The following KRABD3 variants were observed in gnomAD, a reference collection of about 807,000 sequenced individuals.
KRABD3 encodes KRAB domain containing 3, also known as KRAB domain-containing protein 3.
chr7:149,719,523 C>T, the KRABD3 span: 16 of 1,538,978 alleles, frequency 1.0e-5, no homozygotes, highest in Non-Finnish European at 1.4e-5. This position sits in a 1 kb window ranked among gnomAD's most constrained non-coding sequence, Gnocchi z 5.6. Context: ...AACAACCAAC[C>T]CCCCCGGAGA....
the KRABD3 span, among the ~76,000 whole-genome samples, chr7:149,730,945 C>T: frequency 1.2e-3 from 184 of 152,348 alleles, 4 homozygotes; most frequent in Non-Finnish European, 3.8e-4. Context: ...GGGGGTACTT[C>T]TTGGAGAGTG....
the KRABD3 span, chr7:149,733,438 G>A: frequency 2.5e-6 from 4 of 1,591,706 alleles, no homozygotes; most frequent in Non-Finnish European, 3.4e-6. Context: ...CTCAGGAAGT[G>A]GCCACCATGA....
chr7:149,716,921 A>G, the KRABD3 span, among the ~76,000 whole-genome samples: 1 of 152,326 alleles, frequency 6.6e-6, no homozygotes, highest in South Asian at 2.1e-4. Flanking sequence ...TTATGATCCC[A>G]GTATTACAGA....
At chr7:149,721,995 A>C in the KRABD3 span, 94 of 370,222 alleles carry the variant, frequency 2.5e-4, no homozygotes, top group Non-Finnish European at 4.0e-4. Context: ...TTTATAAAAA[A>C]GTACTTCAAA....
At chr7:149,717,747 A>G in the KRABD3 span, among the ~76,000 whole-genome samples, 1 of 152,184 alleles carries the variant, frequency 6.6e-6, no homozygotes, top group Non-Finnish European at 1.5e-5. Context: ...TGCATGGGAC[A>G]AGTTATCAGC....
chr7:149,724,041 A>C, the KRABD3 span, among the ~76,000 whole-genome samples: 1 of 152,196 alleles, frequency 6.6e-6, no homozygotes, highest in African/African-American at 2.4e-5. Flanking sequence ...CCCACTGTGT[A>C]AGTGGAGCGA....
chr7:149,729,377 T>C, the KRABD3 span: 3 of 1,462,694 alleles, frequency 2.1e-6, no homozygotes, highest in Non-Finnish European at 2.7e-6. Flanking sequence ...GAGGGTGAGC[T>C]GGCACCTGCC....
the KRABD3 span, chr7:149,721,397 C>T: frequency 2.5e-6 from 4 of 1,606,348 alleles, no homozygotes; most frequent in Admixed American, 5.0e-5. Flanking sequence ...GGCAAGAGAG[C>T]CCTGCCCTCT....
chr7:149,720,195 A>G, the KRABD3 span: 2 of 1,518,772 alleles, frequency 1.3e-6, no homozygotes, highest in Non-Finnish European at 1.8e-6. Flanking sequence ...GCAATGCGTG[A>G]CCTCAGCCTA....
At chr7:149,724,803 A>T in the KRABD3 span, 3 of 1,600,370 alleles carry the variant, frequency 1.9e-6, no homozygotes, top group African/African-American at 1.3e-5. Flanking sequence ...CAGCCACTGG[A>T]GACACCAGAG....
chr7:149,726,086 G>T, the KRABD3 span: 1 of 1,590,012 alleles, frequency 6.3e-7, no homozygotes. Flanking sequence ...CCGAGGCTGG[G>T]GTTCATCCTG....
At chr7:149,721,437 G>T in the KRABD3 span, 1 of 1,612,308 alleles carries the variant, frequency 6.2e-7, no homozygotes, top group African/African-American at 1.3e-5. Context: ...CTTCCAGACG[G>T]CCCTACCAGC....
the KRABD3 span, chr7:149,733,833 C>A: frequency 6.2e-7 from 1 of 1,603,226 alleles, no homozygotes; most frequent in East Asian, 2.3e-5. Flanking sequence ...CACCAGAGCC[C>A]CCTTCCCCCT....
chr7:149,733,576 C>T, the KRABD3 span: 12 of 1,600,096 alleles, frequency 7.5e-6, no homozygotes, highest in African/African-American at 1.3e-4. Context: ...ATCTGCCCTA[C>T]TGGAGGCAGA....
At chr7:149,729,424 G>A in the KRABD3 span, 1 of 1,326,918 alleles carries the variant, frequency 7.5e-7, no homozygotes, top group Non-Finnish European at 9.7e-7. Flanking sequence ...TAAAGTGTTT[G>A]ACAAGGAAAT....
the KRABD3 span, chr7:149,719,504 C>G: frequency 6.5e-7 from 1 of 1,528,636 alleles, no homozygotes. The surrounding 1 kb of genome is among the most constrained non-coding windows in gnomAD (Gnocchi z 5.6). Context: ...GCTGTCCCCT[C>G]TGGGATGGAA....
chr7:149,716,132 A>C, the KRABD3 span, among the ~76,000 whole-genome samples: 1 of 152,116 alleles, frequency 6.6e-6, no homozygotes, highest in Non-Finnish European at 1.5e-5. Flanking sequence ...CCAGGTTGAG[A>C]GGTCCTGTGG....
At chr7:149,722,488 C>CA in the KRABD3 span, 2 of 1,600,366 alleles carry the variant, frequency 1.2e-6, no homozygotes, top group Non-Finnish European at 1.7e-6. Context: ...GAGCCCAGCC[C>CA]TCCCACCCAT....
the KRABD3 span, chr7:149,722,397 G>C: frequency 1.9e-6 from 3 of 1,588,978 alleles, no homozygotes; most frequent in South Asian, 1.2e-5. Flanking sequence ...GGCTAGAAAG[G>C]CCCTCTTGTC....
Sources: allele counts gnomAD v4.1 joint callset (sites outside exome capture counted in the v4.1 genomes callset), GRCh38; gene constraint gnomAD v4.1.1; non-coding constraint Gnocchi (gnomAD v3.1); transcripts MANE v1.5; gene names NCBI Gene and HGNC (gene_info 2026-07-23, HGNC 2026-07-21).